Variants in OSBPL6 observed in about 807,000 individuals in gnomAD.
OSBPL6 encodes oxysterol-binding protein-related protein 6.
Under a neutral mutation model 125.8 loss-of-function variants are expected in OSBPL6, and 49 were observed. The ratio of observed to expected loss-of-function variants is 0.39; its 90% confidence interval spans 0.31 to 0.49. The LOEUF is 0.49. Among genes scored for constraint, OSBPL6 ranks in the 20% least tolerant of loss-of-function variants. The probability of loss-of-function intolerance (pLI) is 0.88; values close to 1 mark genes in which losing one functional copy is unlikely to be tolerated. For missense variants in OSBPL6, 986 were observed against 1,135.4 expected, an observed-to-expected ratio of 0.87 and a Z score of 1.89; for synonymous variants, 394 against 391.8, an observed-to-expected ratio of 1.01 and a Z score of -0.07.
intron 1 of OSBPL6, among the ~76,000 whole-genome samples, chr2:178,226,494 TATAAGGATCTCCTTGCCCTTTGGAAGC>T (rs1295671068): frequency 6.6e-6 from 1 of 152,222 alleles, no homozygotes; most frequent in East Asian, 1.9e-4. Flanking sequence ...ATCCCTGTTC[TATAAGGATCTCCTTGCCCTTTGGAAGC>T]ATAAGCATTT....
At chr2:178,270,234 CT>C (rs2092347298) in intron 1 of OSBPL6, among the ~76,000 whole-genome samples, 2 of 152,134 alleles carry the variant, frequency 1.3e-5, no homozygotes, top group African/African-American at 4.8e-5. Context: ...AAGATGACCT[CT>C]TATTTTCTTT....
chr2:178,250,502 C>T (rs568714825), intron 1 of OSBPL6, among the ~76,000 whole-genome samples: 36 of 152,306 alleles, frequency 2.4e-4, no homozygotes, highest in Middle Eastern at 3.4e-3. Context: ...CCAGTGACTT[C>T]CCATTGTACG....
At position 178,355,465 on chromosome 2, in the gene OSBPL6, C is replaced by T. The variant is rs191315024; in HGVS notation, c.1153+6076C>T. 1.6e-3 allele frequency among the ~76,000 whole-genome samples: 240 copies of T among 152,178 alleles called. 1 individual carries two copies. Among genetic ancestry groups the T allele is most frequent in the Non-Finnish European group, 2.4e-3 (162 of 67,970 alleles). On this transcript the variant is annotated intron_variant, in intron 12 of 24. Transcript: ENST00000190611. Reference sequence around the variant, plus strand: ...TCAGAGAATACTATAAACACTTCTACGCAAATAAACTAGAAAATCTACAAG... The same window carrying T: ...TCAGAGAATACTATAAACACTTCTATGCAAATAAACTAGAAAATCTACAAG...
At chr2:178,217,986 C>T (rs2090158224) in intron 1 of OSBPL6, among the ~76,000 whole-genome samples, 1 of 152,124 alleles carries the variant, frequency 6.6e-6, no homozygotes, top group Non-Finnish European at 1.5e-5. Flanking sequence ...ACTTTTGTAT[C>T]AGTGGTTGGC....
intron 3 of OSBPL6, among the ~76,000 whole-genome samples, chr2:178,311,280 A>G (rs1323651959): frequency 2.6e-5 from 4 of 152,050 alleles, no homozygotes; most frequent in Non-Finnish European, 5.9e-5. Context: ...TCATCTAGCC[A>G]TCCCCCGGTT....
intron 15 of OSBPL6, among the ~76,000 whole-genome samples, chr2:178,375,694 A>G (rs1693811713): frequency 6.6e-6 from 1 of 152,256 alleles, no homozygotes; most frequent in African/African-American, 2.4e-5. Flanking sequence ...AAGTGCTGGG[A>G]TTACAGGCAT....
intron 1 of OSBPL6, among the ~76,000 whole-genome samples, chr2:178,249,992 A>G (rs746799362): frequency 2.6e-5 from 4 of 152,184 alleles, no homozygotes; most frequent in South Asian, 2.1e-4. Flanking sequence ...TAAGTACACA[A>G]TAACACTAAC....
At chr2:178,246,770 C>A (rs2153997882) in intron 1 of OSBPL6, among the ~76,000 whole-genome samples, 1 of 152,282 alleles carries the variant, frequency 6.6e-6, no homozygotes. Context: ...TGGTCTCACT[C>A]CACTCCAGAA....
intron 1 of OSBPL6, among the ~76,000 whole-genome samples, chr2:178,209,730 C>T (rs334018): frequency 0.035 from 5,376 of 152,020 alleles, 309 homozygotes; most frequent in African/African-American, 0.12. Context: ...GCTTCATGGA[C>T]AGAGCTGGTC....
chr2:178,391,241 C>T, intron 22 of OSBPL6, 24 bp downstream of exon 22: 1 of 1,572,330 alleles, frequency 6.4e-7, no homozygotes, highest in South Asian at 1.2e-5. Flanking sequence ...GAGTGTTCTG[C>T]CAACAGGAGG....
At position 178,395,512 on chromosome 2, in the gene OSBPL6, C is replaced by A. The variant is rs774138322; in HGVS notation, c.2758C>A (p.Arg920=). Residue 920 remains arginine, a synonymous_variant, in exon 25 of 25, where the codon CGA becomes AGA. Transcript: ENST00000190611. ...WVSNDTYWEL[R]KDPGFSKVDS... ...TTCTAACGACACCTACTGGGAGCTT[C>A]GAAAGGACCCTGGGTTTAGCAAAGT... is the stretch of plus-strand genomic sequence containing the variant. 5.0e-6 allele frequency: 8 copies of A among 1,613,642 alleles called. No individual in the cohort carries two copies. Among genetic ancestry groups the A allele is most frequent in the Non-Finnish European group, 6.8e-6 (8 of 1,179,824 alleles).
intron 1 of OSBPL6, among the ~76,000 whole-genome samples, chr2:178,282,181 CA>C (rs1267440261): frequency 1.3e-5 from 2 of 152,166 alleles, no homozygotes; most frequent in African/African-American, 4.8e-5. Flanking sequence ...GCTGTATTGG[CA>C]AAGACTATGG....
At chr2:178,246,187 C>T (rs149316469) in intron 1 of OSBPL6, among the ~76,000 whole-genome samples, 9 of 152,236 alleles carry the variant, frequency 5.9e-5, no homozygotes, top group South Asian at 4.1e-4. Flanking sequence ...TTTTTCACTG[C>T]GAGAGTATTA....
intron 3 of OSBPL6, among the ~76,000 whole-genome samples, chr2:178,316,934 T>G (rs1687786083): frequency 1.3e-5 from 2 of 152,126 alleles, no homozygotes; most frequent in South Asian, 4.1e-4. Context: ...GCTATTAAAT[T>G]GAAAAAATAG....
intron 3 of OSBPL6, among the ~76,000 whole-genome samples, chr2:178,313,155 C>A (rs899488614): frequency 6.6e-6 from 1 of 152,168 alleles, no homozygotes; most frequent in African/African-American, 2.4e-5. Context: ...CTCAGCCTCC[C>A]AAAGTGCTGA....
Position 178,339,065 on chromosome 2 carries a change from C to G in OSBPL6, c.865C>G (p.Gln289Glu), listed in dbSNP as rs371477826. Reference sequence around the variant, plus strand: ...AAATTTGGAAATACTTCAGAGAACTCAGTCGGCACCTAACTTTACTGACAT... The same window carrying G: ...AAATTTGGAAATACTTCAGAGAACTGAGTCGGCACCTAACTTTACTGACAT... ...LQNLEILQRTQSAPNFTDMQA... is the reference protein window; with the variant it reads ...LQNLEILQRTESAPNFTDMQA... Residue 289 changes from glutamine to glutamate, a missense_variant, in exon 10 of 25, where the codon CAG (glutamine) becomes GAG (glutamate). This residue lies in a region of OSBPL6 where 843 missense variants were observed against 997.3 expected (regional missense o/e 0.85). Coordinates refer to ENST00000190611, the MANE Select transcript of OSBPL6 (RefSeq NM_032523.4). 12 of 1,612,220 alleles carry G rather than the reference C, an allele frequency of 7.4e-6. No individual in the cohort carries two copies. In the African/African-American group the frequency reaches 1.5e-4, roughly 20 times the overall value.
chr2:178,339,079 C>T lies in OSBPL6; in HGVS notation c.879C>T (p.Asn293=), dbSNP rs770369184. The change falls in exon 10 of 25, where the codon AAC becomes AAT. Residue 293 remains asparagine, a synonymous_variant. Coordinates refer to ENST00000190611, the MANE Select transcript of OSBPL6 (RefSeq NM_032523.4). ...EILQRTQSAP[N]FTDMQANCVD... ...TTCAGAGAACTCAGTCGGCACCTAA[C>T]TTTACTGACATGCAGGTAAACATAT... is the stretch of plus-strand genomic sequence containing the variant. The T allele has an allele frequency of 6.2e-7, 1 of 1,605,302 alleles. No individual in the cohort carries two copies. Among genetic ancestry groups the T allele is most frequent in the South Asian group, 1.1e-5 (1 of 90,654 alleles).
At chr2:178,390,189 A>G (rs1695279901) in intron 21 of OSBPL6, among the ~76,000 whole-genome samples, 1 of 152,196 alleles carries the variant, frequency 6.6e-6, no homozygotes. Context: ...AATATGCTCT[A>G]TTTCTTTGCC....
chr2:178,214,158 G>C lies in OSBPL6; in HGVS notation c.-351+19484G>C, dbSNP rs915996635. Among the ~76,000 whole-genome samples, 4 of 152,250 alleles carry C rather than the reference G, an allele frequency of 2.6e-5. No individual in the cohort carries two copies. In the South Asian group the frequency reaches 8.3e-4, roughly 32 times the overall value. ...CATAACAAATATTTGCCAACTGAAT[G>C]TGTAATGAATGCAGTTGGACAGAAG... On this transcript the variant is annotated intron_variant, in intron 1 of 24. Coordinates refer to ENST00000190611, the MANE Select transcript of OSBPL6 (RefSeq NM_032523.4).
Sources: allele counts gnomAD v4.1 joint callset (sites outside exome capture counted in the v4.1 genomes callset), GRCh38; gene constraint gnomAD v4.1.1; regional missense constraint gnomAD v4.1.1; transcripts MANE v1.5; gene names NCBI Gene and HGNC (gene_info 2026-07-23, HGNC 2026-07-21).